The following GDAP2 variants were observed in gnomAD, a reference collection of about 807,000 sequenced individuals.
The protein encoded by GDAP2 is ganglioside-induced differentiation-associated protein 2.
GDAP2 carries 51 observed loss-of-function variants against 67.0 expected under a neutral mutation model. The ratio of observed to expected loss-of-function variants is 0.76; its 90% CI spans 0.61 to 0.96. GDAP2 has a LOEUF of 0.96. GDAP2 is among the 40% of genes least tolerant of loss of function. GDAP2 has a pLI of 0.00. For missense variants in GDAP2, 547 were observed against 588.3 expected (o/e 0.93, Z 0.73); for synonymous variants, 203 against 207.3 (o/e 0.98, Z 0.18).
At chr1:117,902,329 C>G (rs975170381) in intron 6 of GDAP2, among the ~76,000 whole-genome samples, 6 of 152,174 alleles carry the variant, frequency 3.9e-5, no homozygotes, top group African/African-American at 1.4e-4. Flanking sequence ...TATCCACTTT[C>G]ATTTTGGCTT....
chr1:117,887,270 T>C (rs1181492623), intron 9 of GDAP2, among the ~76,000 whole-genome samples: 1 of 152,090 alleles, frequency 6.6e-6, no homozygotes, highest in Non-Finnish European at 1.5e-5. Context: ...TTAAGCTCAC[T>C]ACAACTTTGA....
chr1:117,883,678 A>G (rs1339816191), intron 10 of GDAP2, 51 bp from the exon 11 acceptor site: 4 of 1,364,422 alleles, frequency 2.9e-6, no homozygotes, highest in East Asian at 4.7e-5. Flanking sequence ...ACAGTAGTCT[A>G]TTTCACAGAG....
intron 5 of GDAP2, among the ~76,000 whole-genome samples, chr1:117,910,955 T>C (rs536631372): frequency 1.8e-4 from 27 of 152,214 alleles, no homozygotes; most frequent in Non-Finnish European, 2.9e-4. Context: ...AAAGGGTCCA[T>C]AGTGTTCTTT....
Position 117,869,146 on chromosome 1 carries a change from A to G in GDAP2, c.*1423T>C, listed in dbSNP as rs1228392623. 6.6e-6 allele frequency: 1 copy of G among 152,166 alleles called. No individual in the cohort carries two copies. The highest frequency in any genetic ancestry group is 2.4e-5 in the African/African-American group (1 of 41,412). 9.4% of individuals were successfully genotyped at this position (152,166 alleles called of 1,614,324 possible). A position where few individuals can be genotyped will look rare whatever the true frequency, so the allele number is the denominator to read the frequency against. On this transcript the variant is annotated 3_prime_UTR_variant, in exon 14 of 14. Transcript: ENST00000369443. ...GCTTTTTTTTTTCTCTGAACTGCCAATGTACGTGATGGGGTGAGGAAGATG... is the reference window on the plus strand; with the variant it reads ...GCTTTTTTTTTTCTCTGAACTGCCAGTGTACGTGATGGGGTGAGGAAGATG...
At chr1:117,908,642 G>A (rs987526468) in intron 5 of GDAP2, among the ~76,000 whole-genome samples, 4 of 151,914 alleles carry the variant, frequency 2.6e-5, no homozygotes, top group South Asian at 2.1e-4. Flanking sequence ...GCAACATAGC[G>A]AGACCCTGTG....
intron 1 of GDAP2, among the ~76,000 whole-genome samples, chr1:117,924,161 C>G (rs1358813918): frequency 6.6e-6 from 1 of 152,156 alleles, no homozygotes; most frequent in Non-Finnish European, 1.5e-5. Context: ...TTCAGAGGTA[C>G]ATGTGCAGGT....
intron 8 of GDAP2, among the ~76,000 whole-genome samples, chr1:117,896,144 A>G (rs1425805571): frequency 3.9e-5 from 6 of 152,320 alleles, no homozygotes; most frequent in South Asian, 2.1e-4. Flanking sequence ...AGCTCATTAC[A>G]TTACCTCATT....
In GDAP2 at chr1:117,920,181, C is replaced by A; in HGVS notation, c.176+1G>T. 4 of 1,566,988 alleles carry A rather than the reference C, an allele frequency of 2.6e-6. No homozygotes were observed. Among genetic ancestry groups the A allele is most frequent in the Non-Finnish European group, 3.5e-6 (4 of 1,142,802 alleles). On this transcript the variant is annotated splice_donor_variant, in intron 2 of 13. Coordinates refer to ENST00000369443, the MANE Select transcript of GDAP2 (RefSeq NM_017686.4). LOFTEE classifies it high-confidence loss of function. ...ATGATATGATGTAATCAAAAAATTA[C>A]CAAAGAACCACTTTTCCATTGACGT...
At chr1:117,877,869 A>C (rs939809557) in intron 13 of GDAP2, 140 bp downstream of exon 13, 1 of 1,293,566 alleles carries the variant, frequency 7.7e-7, no homozygotes, top group African/African-American at 1.5e-5. Context: ...AAAGTATGTT[A>C]AATGATATTA....
At chr1:117,892,317 A>T (rs371687074) in intron 8 of GDAP2, among the ~76,000 whole-genome samples, 59 of 152,242 alleles carry the variant, frequency 3.9e-4, no homozygotes, top group African/African-American at 1.4e-3. Context: ...TCTAAACTTC[A>T]TTATTCAAAG....
intron 6 of GDAP2, among the ~76,000 whole-genome samples, chr1:117,901,334 C>G (rs764144349): frequency 6.6e-6 from 1 of 152,162 alleles, no homozygotes; most frequent in African/African-American, 2.4e-5. Context: ...TATTTGTGTA[C>G]AAGTTTTTGT....
Position 117,906,645 on chromosome 1 carries a change from C to G in GDAP2, c.560-63G>C, listed in dbSNP as rs544534601. ...AAATTACTTATACATAAAGAAAAAT[C>G]AAGCTCTTCAATGTTTTAGTTTTGT... is the stretch of plus-strand genomic sequence containing the variant. On this transcript the variant is annotated intron_variant, in intron 5 of 13. Coordinates refer to ENST00000369443, the MANE Select transcript of GDAP2 (RefSeq NM_017686.4). 79 of 855,192 alleles carry G rather than the reference C, an allele frequency of 9.2e-5. No homozygotes were observed. In the African/African-American group the frequency reaches 1.3e-3, roughly 14 times the overall value. The allele number at this position is 855,192 out of a possible 1,614,324, so 53.0% of individuals were successfully genotyped here.
intron 11 of GDAP2, among the ~76,000 whole-genome samples, chr1:117,882,517 G>C (rs368937233): frequency 7.9e-5 from 12 of 152,008 alleles, no homozygotes; most frequent in East Asian, 7.7e-4. Flanking sequence ...GCCTCTCTAC[G>C]TGTGCCTGAG....
intron 5 of GDAP2, among the ~76,000 whole-genome samples, chr1:117,909,857 G>A (rs1331454365): frequency 6.6e-6 from 1 of 152,220 alleles, no homozygotes; most frequent in Non-Finnish European, 1.5e-5. Context: ...GGTAGAATTA[G>A]AACTAAAAAC....
chr1:117,913,685 G>A (rs1198591116), intron 3 of GDAP2, among the ~76,000 whole-genome samples: 1 of 152,076 alleles, frequency 6.6e-6, no homozygotes, highest in Non-Finnish European at 1.5e-5. Context: ...AAAATAACAG[G>A]CAGGAGTCCC....
At position 117,863,881 on chromosome 1, in the gene GDAP2, C is replaced by T. The variant is rs1367358048; in HGVS notation, c.*6688G>A. 1 of 152,180 alleles carries T rather than the reference C, an allele frequency of 6.6e-6. No homozygotes were observed. Among genetic ancestry groups the T allele is most frequent in the Non-Finnish European group, 1.5e-5 (1 of 68,026 alleles). The allele number at this position is 152,180 out of a possible 1,614,324, so 9.4% of individuals were successfully genotyped here. ...AGCAGTGGTGGCTGCTATTTATAAACACTACTATGCATGCTTTATGTACAT... is the reference window on the plus strand; with the variant it reads ...AGCAGTGGTGGCTGCTATTTATAAATACTACTATGCATGCTTTATGTACAT... On this transcript the variant is annotated 3_prime_UTR_variant, in exon 14 of 14. Coordinates refer to ENST00000369443, the MANE Select transcript of GDAP2 (RefSeq NM_017686.4).
intron 13 of GDAP2, among the ~76,000 whole-genome samples, chr1:117,875,283 C>G (rs1353530567): frequency 6.6e-6 from 1 of 152,232 alleles, no homozygotes; most frequent in East Asian, 1.9e-4. Context: ...CCCAGCCCCT[C>G]TGGTTCCAGC....
chr1:117,884,110 A>G (rs1295470176), intron 10 of GDAP2, among the ~76,000 whole-genome samples: 4 of 152,186 alleles, frequency 2.6e-5, no homozygotes, highest in African/African-American at 4.8e-5. Context: ...GAATTACTAT[A>G]AAAAGATGTA....
At chr1:117,879,860 C>T (rs1301375914) in intron 12 of GDAP2, among the ~76,000 whole-genome samples, 3 of 151,916 alleles carry the variant, frequency 2.0e-5, no homozygotes, top group African/African-American at 7.3e-5. Context: ...GGTGGAGAAA[C>T]ACGGGAACAC....
Sources: gnomAD v4.1 joint callset for allele counts (sites outside exome capture counted in the v4.1 genomes callset) on GRCh38, gnomAD v4.1.1 for gene constraint, MANE v1.5 for transcripts, NCBI Gene and HGNC (gene_info 2026-07-23, HGNC 2026-07-21) for gene names.